GPC5: variants seen among roughly 807,000 people sequenced by gnomAD.
GPC5 encodes the protein glypican-5.
Under a neutral mutation model 53.9 loss-of-function variants are expected in GPC5, and 47 were observed. The ratio of observed to expected loss-of-function variants is 0.87; its 90% CI spans 0.69 to 1.11. GPC5 has a LOEUF of 1.11. Ranked by LOEUF, GPC5 falls within the 50% of genes most tolerant of loss-of-function variation. GPC5 has a pLI of 0.00. For synonymous variants in GPC5, 286 were observed against 263.3 expected (o/e 1.09, Z -0.84); for missense variants, 748 against 713.1 (o/e 1.05, Z -0.56).
intron 7 of GPC5, among the ~76,000 whole-genome samples, chr13:92,471,910 G>A (rs1157480616): frequency 6.6e-6 from 1 of 152,096 alleles, no homozygotes; most frequent in East Asian, 1.9e-4. Context: ...ACAATAGGTG[G>A]TTCTGTTTTT....
At chr13:92,558,456 T>C (rs900510168) in intron 7 of GPC5, among the ~76,000 whole-genome samples, 6 of 152,050 alleles carry the variant, frequency 3.9e-5, no homozygotes, top group Admixed American at 1.3e-4. Context: ...GCCATCCAAG[T>C]ATTATATGCA....
chr13:92,359,139 C>T (rs1312570866), intron 7 of GPC5, among the ~76,000 whole-genome samples: 1 of 151,734 alleles, frequency 6.6e-6, no homozygotes, highest in Non-Finnish European at 1.5e-5. Flanking sequence ...AGCCAGACCA[C>T]ATCTTGAGTG....
chr13:92,513,052 C>T (rs1471946941), intron 7 of GPC5, among the ~76,000 whole-genome samples: 4 of 152,218 alleles, frequency 2.6e-5, no homozygotes, highest in Non-Finnish European at 4.4e-5. Flanking sequence ...GCAGCAGGGT[C>T]ACAGGTGTAC....
intron 7 of GPC5, among the ~76,000 whole-genome samples, chr13:92,711,285 A>G (rs941850550): frequency 2.0e-5 from 3 of 152,198 alleles, no homozygotes; most frequent in Admixed American, 2.0e-4. Context: ...ACAATCCACA[A>G]CACTTTGAAT....
chr13:91,432,321 G>T (rs1471858286), intron 1 of GPC5, among the ~76,000 whole-genome samples: 1 of 151,776 alleles, frequency 6.6e-6, no homozygotes. Context: ...CCAAATTCAT[G>T]ACTTCAAGTT....
intron 5 of GPC5, among the ~76,000 whole-genome samples, chr13:91,775,390 A>G (rs1349302747): frequency 6.6e-6 from 1 of 152,128 alleles, no homozygotes; most frequent in African/African-American, 2.4e-5. Context: ...TTTTTATAAC[A>G]GATTCCTAAC....
chr13:91,615,388 C>T (rs568059106), intron 2 of GPC5, among the ~76,000 whole-genome samples: 160 of 152,232 alleles, frequency 1.1e-3, no homozygotes, highest in African/African-American at 3.8e-3. Context: ...TTGGAAGTTG[C>T]ACATATTGTT....
chr13:92,590,452 T>A (rs1883678154), intron 7 of GPC5, among the ~76,000 whole-genome samples: 1 of 152,188 alleles, frequency 6.6e-6, no homozygotes, highest in Non-Finnish European at 1.5e-5. Flanking sequence ...TTCCCAACAT[T>A]AACTTTTCTG....
At chr13:91,566,322 T>A (rs1035898390) in intron 2 of GPC5, among the ~76,000 whole-genome samples, 32 of 152,236 alleles carry the variant, frequency 2.1e-4, no homozygotes, top group African/African-American at 7.7e-4. Context: ...TCCCAGCACT[T>A]TGGGAGGCTG....
At chr13:91,504,916 G>A (rs1884862783) in intron 2 of GPC5, among the ~76,000 whole-genome samples, 1 of 152,128 alleles carries the variant, frequency 6.6e-6, no homozygotes, top group South Asian at 2.1e-4. Context: ...CTTTGTCACT[G>A]CACTCCAGAT....
At chr13:91,979,795 T>A (rs1240206239) in intron 6 of GPC5, among the ~76,000 whole-genome samples, 1 of 140,844 alleles carries the variant, frequency 7.1e-6, no homozygotes, top group Non-Finnish European at 1.6e-5. Flanking sequence ...TGTAATAAGA[T>A]TGCAGCAACA....
intron 6 of GPC5, among the ~76,000 whole-genome samples, chr13:92,096,570 T>C (rs928898223): frequency 6.6e-6 from 1 of 152,190 alleles, no homozygotes; most frequent in African/African-American, 2.4e-5. Flanking sequence ...TTTTGGGAAG[T>C]GATTAAGGCA....
At chr13:91,435,154 G>C (rs571106047) in intron 1 of GPC5, among the ~76,000 whole-genome samples, 22 of 152,196 alleles carry the variant, frequency 1.4e-4, no homozygotes, top group East Asian at 1.4e-3. Context: ...TTGACTTTCT[G>C]TTTTCCTAAT....
intron 7 of GPC5, among the ~76,000 whole-genome samples, chr13:92,425,411 A>C (rs2139367599): frequency 6.6e-6 from 1 of 152,190 alleles, no homozygotes; most frequent in African/African-American, 2.4e-5. Flanking sequence ...ATTGGTTTCT[A>C]CATGCCAAGT....
Position 91,608,990 on chromosome 13 carries a change from A to G in GPC5, c.326-84197A>G, listed in dbSNP as rs114297717. On this transcript the variant is annotated intron_variant, in intron 2 of 7. Transcript: ENST00000377067. ...ATAAAAAGTCAAATTCAGTGTGACA[A>G]CATTGTAGGTGTGTGCCATCAAGGC... Among the ~76,000 whole-genome samples, 138 of 140,904 alleles carry G rather than the reference A, an allele frequency of 9.8e-4. 4 individuals carry two copies. The highest frequency in any genetic ancestry group is 3.7e-3 in the African/African-American group (135 of 36,146). The allele number at this position is 140,904 out of a possible 152,430, so 92.4% of individuals were successfully genotyped here.
At chr13:91,451,858 T>C (rs1201583139) in intron 2 of GPC5, among the ~76,000 whole-genome samples, 2 of 151,804 alleles carry the variant, frequency 1.3e-5, no homozygotes, top group Non-Finnish European at 2.9e-5. Context: ...CCTCATGATC[T>C]ACCCACCTCG....
rs551588232 is a variant in GPC5 at position 92,279,922 on chromosome 13, C to T, written c.1561+134933C>T. On this transcript the variant is annotated intron_variant, in intron 7 of 7. Transcript: ENST00000377067. Reference sequence around the variant, plus strand: ...TCGGTCGAATTCTGGCTTCATAGAACGTGTTGAGAAGTATTTCCTCTATTT... The same window carrying T: ...TCGGTCGAATTCTGGCTTCATAGAATGTGTTGAGAAGTATTTCCTCTATTT... 2.4e-4 allele frequency among the ~76,000 whole-genome samples: 37 copies of T among 152,098 alleles called. 1 individual carries two copies. The highest frequency in any genetic ancestry group is 7.2e-4 in the African/African-American group (30 of 41,516).
chr13:91,600,340 AGAGAGAGAGTGT>A (rs1357911290), intron 2 of GPC5, among the ~76,000 whole-genome samples: 4 of 42,544 alleles, frequency 9.4e-5, no homozygotes, highest in Non-Finnish European at 2.3e-4. Context: ...AGAGAGAGAG[AGAGAGAGAGTGT>A]GTGTGTGTGT....
At chr13:91,904,452 CTT>C (rs947965713) in intron 5 of GPC5, among the ~76,000 whole-genome samples, 6 of 151,944 alleles carry the variant, frequency 3.9e-5, no homozygotes, top group African/African-American at 1.4e-4. Context: ...CTAATTATAT[CTT>C]TACCTTTTCT....
Sources: allele counts gnomAD v4.1 joint callset (sites outside exome capture counted in the v4.1 genomes callset), GRCh38; gene constraint gnomAD v4.1.1; transcripts MANE v1.5; gene names NCBI Gene and HGNC (gene_info 2026-07-23, HGNC 2026-07-21).